RAB27B: variants seen among roughly 807,000 people sequenced by gnomAD.
RAB27B encodes the protein ras-related protein Rab-27B.
In RAB27B, 15 loss-of-function variants were observed where a neutral mutation model predicts 24.6. The ratio of observed to expected loss-of-function variants is 0.61; its 90% CI spans 0.41 to 0.94. The LOEUF is 0.94. Among genes scored for constraint, RAB27B ranks in the 40% least tolerant of loss-of-function variants. The pLI, the probability that RAB27B is intolerant of heterozygous loss-of-function variation, is 0.00. For synonymous variants in RAB27B, 105 were observed against 92.5 expected (o/e 1.14, Z -0.78); for missense variants, 261 against 266.8 (o/e 0.98, Z 0.15).
At chr18:54,854,946 A>AT (rs1354651460) in intron 1 of RAB27B, among the ~76,000 whole-genome samples, 6 of 152,200 alleles carry the variant, frequency 3.9e-5, no homozygotes, top group African/African-American at 1.4e-4. Context: ...ATTCAAATGC[A>AT]TTACATTTGT....
intron 1 of RAB27B, among the ~76,000 whole-genome samples, chr18:54,858,889 G>A (rs1370381892): frequency 6.6e-6 from 1 of 152,198 alleles, no homozygotes; most frequent in Non-Finnish European, 1.5e-5. Flanking sequence ...TAAACTGGAA[G>A]TGTCAGATAC....
At chr18:54,851,459 C>A (rs1163125224) in intron 1 of RAB27B, among the ~76,000 whole-genome samples, 1 of 152,120 alleles carries the variant, frequency 6.6e-6, no homozygotes, top group Non-Finnish European at 1.5e-5. Context: ...AAATATAATT[C>A]TTTTCCCTTT....
intron 2 of RAB27B, among the ~76,000 whole-genome samples, chr18:54,750,332 A>C (rs1377094350): frequency 1.3e-5 from 2 of 152,198 alleles, no homozygotes; most frequent in Non-Finnish European, 2.9e-5. Context: ...TTGAGTACAG[A>C]AGGATAACAT....
chr18:54,763,682 T>G (rs1365195634), intron 2 of RAB27B, among the ~76,000 whole-genome samples: 1 of 152,188 alleles, frequency 6.6e-6, no homozygotes, highest in African/African-American at 2.4e-5. Context: ...GAAGAGTCTC[T>G]GCCATTTGAA....
chr18:54,755,353 G>T (rs1350286158), intron 2 of RAB27B, among the ~76,000 whole-genome samples: 1 of 152,090 alleles, frequency 6.6e-6, no homozygotes, highest in Non-Finnish European at 1.5e-5. Flanking sequence ...TCGCACCAGT[G>T]CACTCCAACC....
intron 2 of RAB27B, among the ~76,000 whole-genome samples, chr18:54,818,646 G>A (rs1338911813): frequency 1.3e-5 from 2 of 152,176 alleles, no homozygotes; most frequent in African/African-American, 2.4e-5. Context: ...CATTCCTGCC[G>A]TGAGAGCCTG....
chr18:54,807,864 A>G (rs780358667), intron 2 of RAB27B, among the ~76,000 whole-genome samples: 9 of 152,212 alleles, frequency 5.9e-5, no homozygotes, highest in Non-Finnish European at 1.2e-4. Flanking sequence ...ACAGCATGAG[A>G]CATTAAAATT....
intron 2 of RAB27B, among the ~76,000 whole-genome samples, chr18:54,819,796 G>A (rs1050609932): frequency 1.9e-5 from 2 of 107,016 alleles, no homozygotes; most frequent in African/African-American, 4.0e-5. Flanking sequence ...ACAGGCTCCC[G>A]TGTGTGATGT....
chr18:54,850,333 G>GATATATATATGTATATAT (rs1911513360), intron 1 of RAB27B, among the ~76,000 whole-genome samples: 2 of 95,156 alleles, frequency 2.1e-5, no homozygotes, highest in Non-Finnish European at 4.0e-5. Context: ...AAACAAACAG[G>GATATATATATGTATATAT]ATATATATAT....
At chr18:54,777,232 T>C (rs930829566) in intron 2 of RAB27B, among the ~76,000 whole-genome samples, 49 of 152,162 alleles carry the variant, frequency 3.2e-4, no homozygotes, top group Admixed American at 3.9e-4. Context: ...TTTTGGTCTG[T>C]TTAAGCAAAG....
intron 1 of RAB27B, among the ~76,000 whole-genome samples, chr18:54,843,085 C>T (rs539784333): frequency 2.9e-4 from 44 of 152,236 alleles, no homozygotes; most frequent in African/African-American, 9.4e-4. Flanking sequence ...TGTGAGCCAC[C>T]GTGCCTGGCC....
chr18:54,825,180 C>T (rs1910432395), upstream of RAB27B, among the ~76,000 whole-genome samples: 1 of 152,120 alleles, frequency 6.6e-6, no homozygotes, highest in Admixed American at 6.5e-5. Flanking sequence ...TTGAGAAATC[C>T]AATGCAATTT....
chr18:54,868,551 C>T (rs1370176749), intron 1 of RAB27B, among the ~76,000 whole-genome samples: 1 of 152,162 alleles, frequency 6.6e-6, no homozygotes, highest in Non-Finnish European at 1.5e-5. Flanking sequence ...GCATTGCACA[C>T]ATTTATCATT....
At chr18:54,859,197 C>A (rs1313936069) in intron 1 of RAB27B, among the ~76,000 whole-genome samples, 2 of 152,166 alleles carry the variant, frequency 1.3e-5, no homozygotes, top group Admixed American at 6.5e-5. Context: ...AAAGCTATTT[C>A]ATAACAACTG....
intron 2 of RAB27B, among the ~76,000 whole-genome samples, chr18:54,801,022 T>G (rs1272068305): frequency 4.1e-5 from 6 of 145,396 alleles, no homozygotes; most frequent in South Asian, 2.2e-4. Context: ...TTTTTTTTTT[T>G]TTTTTTTTTT....
chr18:54,863,186 A>G (rs571521698), intron 1 of RAB27B, among the ~76,000 whole-genome samples: 2 of 152,226 alleles, frequency 1.3e-5, no homozygotes, highest in African/African-American at 4.8e-5. Context: ...TATATATGTG[A>G]TTAAATACAT....
intron 1 of RAB27B, among the ~76,000 whole-genome samples, chr18:54,841,680 A>G (rs1911126926): frequency 6.6e-6 from 1 of 152,182 alleles, no homozygotes; most frequent in African/African-American, 2.4e-5. Context: ...GTGGGCTTAT[A>G]AATAACTGTA....
At chr18:54,879,195 A>C (rs1197181783) in intron 2 of RAB27B, among the ~76,000 whole-genome samples, 174 bp from the exon 3 acceptor site, 1 of 152,178 alleles carries the variant, frequency 6.6e-6, no homozygotes, top group Non-Finnish European at 1.5e-5. Context: ...TGCACTTGAC[A>C]TTTAAAAGTG....
chr18:54,758,088 C>A lies in RAB27B; in HGVS notation c.-20+39947C>A, dbSNP rs1416410464. ...GTAAGATCAATGCTGTGCTTTGTAA[C>A]CTAGGTTTTTTTTAAGCCTGTATTT... On this transcript the variant is annotated intron_variant, in intron 2 of 4. Coordinates refer to the RAB27B transcript ENST00000586570. Among the ~76,000 whole-genome samples the A allele has an allele frequency of 6.6e-5, 10 of 151,952 alleles. No individual in the cohort carries two copies. In the East Asian group the frequency reaches 1.9e-3, roughly 29 times the overall value.
Sources: allele counts gnomAD v4.1 joint callset (sites outside exome capture counted in the v4.1 genomes callset), GRCh38; gene constraint gnomAD v4.1.1; transcripts MANE v1.5; gene names NCBI Gene and HGNC (gene_info 2026-07-23, HGNC 2026-07-21).